Variants in TRIM5 observed in about 807,000 individuals in gnomAD.
The protein encoded by TRIM5 is tripartite motif containing 5.
Under a neutral mutation model 35.6 loss-of-function variants are expected in TRIM5, and 31 were observed. The ratio of observed to expected loss-of-function variants is 0.87; its 90% CI spans 0.65 to 1.18. The LOEUF (loss-of-function observed/expected upper bound fraction) is 1.18. TRIM5 is among the 50% of genes most tolerant of loss of function. TRIM5 has a pLI of 0.00. For missense variants in TRIM5, 609 were observed against 591.6 expected (o/e 1.03, Z -0.31); for synonymous variants, 243 against 215.6 (o/e 1.13, Z -1.11).
chr11:5,611,696 A>G, the TRIM5 span: 2 of 219,414 alleles, frequency 9.1e-6, no homozygotes, highest in Admixed American at 5.2e-5. Context: ...CAAGTGATCC[A>G]CCCGCCTCGG....
At chr11:5,643,766 T>C in the TRIM5 span, 2 of 1,523,036 alleles carry the variant, frequency 1.3e-6, no homozygotes, top group Non-Finnish European at 1.8e-6. Flanking sequence ...TGCAACTGAC[T>C]CATCTGCAAC....
At chr11:5,665,709 G>T (rs762784149) in intron 6 of TRIM5, 27 bp from the exon 7 acceptor site, 2 of 1,491,954 alleles carry the variant, frequency 1.3e-6, no homozygotes, top group Admixed American at 2.5e-5. Context: ...GCACAATATT[G>T]AATACAAACA....
At chr11:5,681,229 G>A (rs563190877) in intron 1 of TRIM5, among the ~76,000 whole-genome samples, 6 of 152,230 alleles carry the variant, frequency 3.9e-5, no homozygotes, top group Non-Finnish European at 5.9e-5. Context: ...TTCTGTTCCC[G>A]GAACAAACGG....
chr11:5,599,795 C>T, the TRIM5 span, among the ~76,000 whole-genome samples: 1 of 152,180 alleles, frequency 6.6e-6, no homozygotes, highest in African/African-American at 2.4e-5. Flanking sequence ...ATAAGCTCAG[C>T]AGTAAGCTAT....
chr11:5,604,653 T>C, the TRIM5 span: 6 of 1,605,582 alleles, frequency 3.7e-6, no homozygotes, highest in East Asian at 8.9e-5. Flanking sequence ...TTTCTGAAGA[T>C]GTCCTGGGGC....
At chr11:5,608,489 G>A in the TRIM5 span, 1 of 1,568,846 alleles carries the variant, frequency 6.4e-7, no homozygotes, top group Non-Finnish European at 8.7e-7. Flanking sequence ...TCAGAGTGGG[G>A]AAGATTCAAG....
chr11:5,618,515 GATA>G, the TRIM5 span, among the ~76,000 whole-genome samples: 1 of 152,120 alleles, frequency 6.6e-6, no homozygotes, highest in Non-Finnish European at 1.5e-5. Flanking sequence ...ACGTGACCAA[GATA>G]ATGATGAAAA....
intron 2 of TRIM5, 48 bp downstream of exon 2, chr11:5,679,713 A>C (rs370000178): frequency 6.6e-7 from 1 of 1,512,720 alleles, no homozygotes; most frequent in Non-Finnish European, 8.9e-7. Context: ...AAAATTTTCC[A>C]TCTGGTCCCA....
the TRIM5 span, among the ~76,000 whole-genome samples, chr11:5,637,510 T>G: frequency 6.6e-6 from 1 of 152,216 alleles, no homozygotes; most frequent in Non-Finnish European, 1.5e-5. Context: ...TTTGGCCATT[T>G]TTATTTTTGA....
chr11:5,609,276 T>C, the TRIM5 span, among the ~76,000 whole-genome samples: 13 of 152,062 alleles, frequency 8.5e-5, no homozygotes, highest in South Asian at 2.7e-3. Flanking sequence ...CGTTTGGAGG[T>C]GAGGACATCT....
chr11:5,603,037 A>G, the TRIM5 span, among the ~76,000 whole-genome samples: 3,388 of 152,284 alleles, frequency 0.022, 125 homozygotes, highest in African/African-American at 0.078. Flanking sequence ...TCTCTATTCA[A>G]TAGGAGCAAG....
At chr11:5,594,703 C>T in the TRIM5 span, among the ~76,000 whole-genome samples, 2 of 152,100 alleles carry the variant, frequency 1.3e-5, no homozygotes, top group Non-Finnish European at 1.5e-5. Context: ...TATATCAGCT[C>T]TTAGAAAATG....
At chr11:5,675,713 T>C (rs1471685831) in intron 4 of TRIM5, among the ~76,000 whole-genome samples, 1 of 151,848 alleles carries the variant, frequency 6.6e-6, no homozygotes, top group Admixed American at 6.6e-5. Flanking sequence ...GTTTTTGTTT[T>C]ATTATACTTT....
chr11:5,595,670 G>C, the TRIM5 span, among the ~76,000 whole-genome samples: 1 of 151,920 alleles, frequency 6.6e-6, no homozygotes, highest in Non-Finnish European at 1.5e-5. Context: ...CTCCGGATTT[G>C]CCGTTCATCA....
At chr11:5,655,746 C>A in the TRIM5 span, 1 of 937,532 alleles carries the variant, frequency 1.1e-6, no homozygotes, top group Non-Finnish European at 1.3e-6. Flanking sequence ...AAAGTATGTG[C>A]AGGACATATA....
chr11:5,670,334 C>T (rs1490980354), intron 4 of TRIM5, among the ~76,000 whole-genome samples: 2 of 130,346 alleles, frequency 1.5e-5, no homozygotes, highest in South Asian at 5.5e-4. Context: ...CCCACCACCA[C>T]ACCCAGCTAA....
the TRIM5 span, chr11:5,603,756 G>A: frequency 2.5e-6 from 4 of 1,609,260 alleles, no homozygotes; most frequent in African/African-American, 5.4e-5. Context: ...AGGATGGAAT[G>A]GGAGACAGAG....
chr11:5,632,459 A>G, the TRIM5 span: 6 of 1,614,058 alleles, frequency 3.7e-6, no homozygotes, highest in Non-Finnish European at 5.1e-6. Context: ...ACTGTGAGCA[A>G]CAAGGAGGCA....
downstream of TRIM5, among the ~76,000 whole-genome samples, chr11:5,659,206 T>G (rs902983105): frequency 3.3e-5 from 5 of 151,922 alleles, no homozygotes; most frequent in African/African-American, 9.7e-5. Context: ...CTGTAAACAC[T>G]CACCCCTAGA....
Sources: gnomAD v4.1 joint callset for allele counts (sites outside exome capture counted in the v4.1 genomes callset) on GRCh38, gnomAD v4.1.1 for gene constraint, MANE v1.5 for transcripts, NCBI Gene and HGNC (gene_info 2026-07-23, HGNC 2026-07-21) for gene names.